WWOX: variants seen among roughly 807,000 people sequenced by gnomAD.
WWOX encodes the protein WW domain-containing oxidoreductase.
A neutral mutation model predicts 46.2 loss-of-function variants in WWOX; 69 were observed. The observed-to-expected ratio is 1.49, with a 90% CI of 1.23 to 1.82. The LOEUF is 1.82. Ranked by LOEUF, WWOX falls within the 40% of genes most tolerant of loss-of-function variation. WWOX has a pLI of 0.00. For synonymous variants in WWOX, 359 were observed against 202.6 expected, an observed-to-expected ratio of 1.77 and a Z score of -6.56; for missense variants, 919 against 542.6, an observed-to-expected ratio of 1.69 and a Z score of -6.89.
chr16:78,678,158 C>G (rs2047647884), intron 8 of WWOX, among the ~76,000 whole-genome samples: 1 of 152,156 alleles, frequency 6.6e-6, no homozygotes, highest in Admixed American at 6.5e-5. Flanking sequence ...TTGGTCTCTC[C>G]TGGGTCCTGA....
intron 8 of WWOX, among the ~76,000 whole-genome samples, chr16:78,715,297 T>G (rs1260428624): frequency 6.6e-6 from 1 of 152,184 alleles, no homozygotes; most frequent in East Asian, 1.9e-4. Context: ...AGGCAATTGC[T>G]GTCACTGGTC....
intron 8 of WWOX, among the ~76,000 whole-genome samples, chr16:79,085,904 T>C (rs1041969024): frequency 6.6e-6 from 1 of 151,862 alleles, no homozygotes; most frequent in African/African-American, 2.4e-5. Flanking sequence ...ACAAAAAAAT[T>C]AGCCAGGCTT....
chr16:78,731,788 C>A (rs1307087252), intron 8 of WWOX, among the ~76,000 whole-genome samples: 1 of 151,052 alleles, frequency 6.6e-6, no homozygotes, highest in African/African-American at 2.4e-5. Context: ...TGTTTTATAA[C>A]ATGCAACAAA....
chr16:78,928,137 G>T (rs1257743934), intron 8 of WWOX, among the ~76,000 whole-genome samples: 1 of 151,312 alleles, frequency 6.6e-6, no homozygotes, highest in Non-Finnish European at 1.5e-5. Context: ...CTCCATGTTT[G>T]GTTTTCATTA....
intron 8 of WWOX, among the ~76,000 whole-genome samples, chr16:78,676,450 G>A (rs970660199): frequency 6.7e-6 from 1 of 149,378 alleles, no homozygotes; most frequent in Non-Finnish European, 1.5e-5. Context: ...GCAGAAATTG[G>A]ATCACTTACC....
chr16:78,579,978 G>C (rs574514979), intron 8 of WWOX, among the ~76,000 whole-genome samples: 119 of 152,282 alleles, frequency 7.8e-4, no homozygotes, highest in African/African-American at 2.8e-3. Context: ...AGTCATGCCA[G>C]CGTTTAAGGC....
At chr16:79,208,501 G>T (rs12325473) in intron 8 of WWOX, among the ~76,000 whole-genome samples, 3 of 152,190 alleles carry the variant, frequency 2.0e-5, no homozygotes, top group Non-Finnish European at 4.4e-5. Flanking sequence ...TATTGCTTCA[G>T]ATATTTTATA....
chr16:78,818,164 C>T (rs542625122), intron 8 of WWOX, among the ~76,000 whole-genome samples: 5 of 152,170 alleles, frequency 3.3e-5, no homozygotes, highest in Admixed American at 6.5e-5. Context: ...GAAGGATGTG[C>T]CCTTGCAGAA....
intron 5 of WWOX, among the ~76,000 whole-genome samples, chr16:78,369,617 AG>A (rs1278901046): frequency 1.3e-5 from 2 of 151,874 alleles, no homozygotes; most frequent in African/African-American, 4.8e-5. Flanking sequence ...AAACTCAAAG[AG>A]GCAAACATTT....
At chr16:78,721,493 A>G (rs1252883417) in intron 8 of WWOX, among the ~76,000 whole-genome samples, 4 of 152,152 alleles carry the variant, frequency 2.6e-5, no homozygotes, top group South Asian at 4.1e-4. Context: ...CAGAAACTCT[A>G]TTGCTGGTGG....
chr16:78,874,672 G>A (rs566691212), intron 8 of WWOX, among the ~76,000 whole-genome samples: 2 of 140,034 alleles, frequency 1.4e-5, no homozygotes, highest in Non-Finnish European at 3.1e-5. Context: ...TCTGTGACCA[G>A]AAGATTTTTT....
intron 8 of WWOX, among the ~76,000 whole-genome samples, chr16:78,586,824 T>C (rs2151596279): frequency 6.6e-6 from 1 of 152,326 alleles, no homozygotes; most frequent in East Asian, 1.9e-4. Flanking sequence ...GATGGGTCTA[T>C]AATTTCAGAC....
At chr16:79,210,669 A>T (rs934919481) in intron 8 of WWOX, among the ~76,000 whole-genome samples, 1 of 152,120 alleles carries the variant, frequency 6.6e-6, no homozygotes, top group African/African-American at 2.4e-5. Flanking sequence ...TAAATTAGAG[A>T]CGTGCCGACC....
intron 8 of WWOX, among the ~76,000 whole-genome samples, chr16:78,990,815 C>T (rs550831723): frequency 6.6e-6 from 1 of 152,304 alleles, no homozygotes; most frequent in South Asian, 2.1e-4. Flanking sequence ...AGCTTTGCCT[C>T]AGTCTTTCTG....
At chr16:78,946,679 G>T (rs953336077) in intron 8 of WWOX, among the ~76,000 whole-genome samples, 21 of 152,134 alleles carry the variant, frequency 1.4e-4, no homozygotes, top group African/African-American at 4.8e-4. Flanking sequence ...CAGACATGTT[G>T]CAGGCCTGGA....
chr16:78,937,639 T>G (rs2045768544), intron 8 of WWOX, among the ~76,000 whole-genome samples: 1 of 148,014 alleles, frequency 6.8e-6, no homozygotes, highest in South Asian at 2.2e-4. Flanking sequence ...ATTTATTTAT[T>G]TATGAGACAA....
intron 8 of WWOX, among the ~76,000 whole-genome samples, chr16:78,682,262 C>T (rs80097930): frequency 1.3e-5 from 2 of 152,184 alleles, no homozygotes; most frequent in Non-Finnish European, 1.5e-5. Flanking sequence ...TAACAATCTT[C>T]TATTTAAACT....
chr16:79,207,990 C>A (rs2051576653), intron 8 of WWOX, among the ~76,000 whole-genome samples: 1 of 152,128 alleles, frequency 6.6e-6, no homozygotes, highest in Admixed American at 6.5e-5. Flanking sequence ...GATCTGAGGG[C>A]CTCAACTATA....
intron 8 of WWOX, among the ~76,000 whole-genome samples, chr16:78,518,863 C>T (rs950369437): frequency 6.6e-6 from 1 of 152,158 alleles, no homozygotes; most frequent in Non-Finnish European, 1.5e-5. Context: ...CCTTTCAGCC[C>T]TTAACCTGCG....
Sources: gnomAD v4.1 joint callset for allele counts (sites outside exome capture counted in the v4.1 genomes callset) on GRCh38, gnomAD v4.1.1 for gene constraint, MANE v1.5 for transcripts, NCBI Gene and HGNC (gene_info 2026-07-23, HGNC 2026-07-21) for gene names.